RABGAP1: variants seen among roughly 807,000 people sequenced by gnomAD.
RABGAP1 encodes the protein rab GTPase-activating protein 1.
In RABGAP1, 23 loss-of-function variants were observed where a neutral mutation model predicts 137.6. The observed-to-expected ratio is 0.17, with a 90% CI of 0.12 to 0.24. The LOEUF (loss-of-function observed/expected upper bound fraction) is 0.24. Ranked by LOEUF, RABGAP1 falls within the 10% of genes least tolerant of loss-of-function variation. The pLI is 1.00. For synonymous variants in RABGAP1, 451 were observed against 450.7 expected, an observed-to-expected ratio of 1.00 and a Z score of -0.01; for missense variants, 906 against 1,275.8, an observed-to-expected ratio of 0.71 and a Z score of 4.42.
intron 13 of RABGAP1, among the ~76,000 whole-genome samples, chr9:123,021,224 T>C (rs2031608456): frequency 6.6e-6 from 1 of 151,806 alleles, no homozygotes; most frequent in South Asian, 2.1e-4. Flanking sequence ...GGTAAAACTT[T>C]GTCTTAAAAA....
At chr9:122,961,609 A>G (rs1209448221) in intron 2 of RABGAP1, among the ~76,000 whole-genome samples, 1 of 152,222 alleles carries the variant, frequency 6.6e-6, no homozygotes, top group East Asian at 1.9e-4. Context: ...CAGTAAAAAT[A>G]ATTATGTAGT....
intron 13 of RABGAP1, among the ~76,000 whole-genome samples, chr9:123,032,921 T>C (rs564451281): frequency 3.3e-5 from 5 of 152,346 alleles, no homozygotes; most frequent in African/African-American, 1.2e-4. Context: ...TAGAAGAAGG[T>C]ACATTTACTT....
intron 13 of RABGAP1, among the ~76,000 whole-genome samples, chr9:123,044,609 A>G (rs1246012072): frequency 6.7e-6 from 1 of 148,706 alleles, no homozygotes; most frequent in Non-Finnish European, 1.5e-5. Flanking sequence ...GGGAAGGAAT[A>G]TAGGAAAACA....
intron 13 of RABGAP1, among the ~76,000 whole-genome samples, chr9:123,042,613 C>A (rs963876113): frequency 1.3e-4 from 20 of 151,690 alleles, no homozygotes; most frequent in Non-Finnish European, 1.6e-4. Context: ...AGTAAGCAGG[C>A]TAGAAAATGA....
intron 13 of RABGAP1, among the ~76,000 whole-genome samples, chr9:123,036,553 T>C (rs766348596): frequency 6.6e-6 from 1 of 152,192 alleles, no homozygotes; most frequent in Non-Finnish European, 1.5e-5. Flanking sequence ...TTCTGAAATA[T>C]TAGAACATCA....
In RABGAP1 at chr9:123,103,127, G is replaced by A; in HGVS notation, c.3124G>A (p.Val1042Met). The A allele has an allele frequency of 1.2e-6, 2 of 1,614,124 alleles. No homozygotes were observed. Among genetic ancestry groups the A allele is most frequent in the Non-Finnish European group, 1.7e-6 (2 of 1,180,010 alleles). The change falls in exon 26 of 26, where the codon GTG becomes ATG. Residue 1042 changes from valine (V) to methionine (M), a missense_variant. Physicochemically the swap from Val to Met is conservative, Grantham distance 21. Around this residue, in one of 9 missense-constraint regions of RABGAP1, gnomAD observed 193 missense variants for 248.1 expected, o/e 0.78. Coordinates refer to ENST00000373647, the MANE Select transcript of RABGAP1 (RefSeq NM_012197.4). ...CCATTTAGGGCTTGCCCTCAATGAG[G>A]TGCAGGCAGCCAAGAAGACGTGGTT... ...EHHLGLALNE[V>M]QAAKKTWFNR...
intron 10 of RABGAP1, among the ~76,000 whole-genome samples, chr9:122,999,433 C>T (rs577411421): frequency 9.2e-5 from 14 of 152,074 alleles, no homozygotes; most frequent in South Asian, 2.1e-4. Flanking sequence ...TCAGGTCATC[C>T]GCCCACCTCA....
rs765921033 is a variant in RABGAP1 at position 123,090,369 on chromosome 9, G to A, written c.2612G>A (p.Arg871Gln). The change falls in exon 21 of 26, where the codon CGG becomes CAG. Residue 871 changes from arginine to glutamine, a missense_variant. By Grantham distance (43) the Arg-to-Gln change is conservative (BLOSUM62 1). This residue lies in a region of RABGAP1 where 193 missense variants were observed against 248.1 expected (regional missense o/e 0.78). Transcript: ENST00000373647. ...CTGGTGACCAGCAAGATTGCACTAC[G>A]GAAGGACCTGGATAACGTAAGTCCA... ...HELVTSKIALRKDLDNAEEKA... is the reference protein window; with the variant it reads ...HELVTSKIALQKDLDNAEEKA... The A allele has an allele frequency of 1.6e-5, 25 of 1,610,994 alleles. No homozygotes were observed. The highest frequency in any genetic ancestry group is 2.1e-5 in the Non-Finnish European group (25 of 1,178,028).
At position 122,998,588 on chromosome 9, in the gene RABGAP1, T is replaced by G. The variant is rs1837160081; in HGVS notation, c.1205-9T>G. On this transcript the variant is annotated splice_polypyrimidine_tract_variant and intron_variant, in intron 9 of 25. Coordinates refer to ENST00000373647, the MANE Select transcript of RABGAP1 (RefSeq NM_012197.4). ...TTTACCTCTTCAGCCTCTCTCTTTCTTTGTTTAGATAAAGTCCTGTTTATG... is the reference window on the plus strand; with the variant it reads ...TTTACCTCTTCAGCCTCTCTCTTTCGTTGTTTAGATAAAGTCCTGTTTATG... 5.1e-6 allele frequency: 8 copies of G among 1,554,578 alleles called. No homozygotes were observed. The highest frequency in any genetic ancestry group is 7.0e-6 in the Non-Finnish European group (8 of 1,141,692).
At position 123,037,311 on chromosome 9, in the gene RABGAP1, A is replaced by G. The variant is rs573402391; in HGVS notation, c.1794+16852A>G. 7.2e-5 allele frequency among the ~76,000 whole-genome samples: 11 copies of G among 152,286 alleles called. No individual in the cohort carries two copies. The East Asian group carries it at 2.1e-3, about 29-fold the overall frequency. On this transcript the variant is annotated intron_variant, in intron 13 of 25. Transcript: ENST00000373647. ...AGTTGTGTTCTATTTAAACTTTTTT[A>G]TTTTAAGTGACTAAGCATTACATAA...
chr9:123,028,921 T>C (rs950984323), intron 13 of RABGAP1, among the ~76,000 whole-genome samples: 3 of 152,334 alleles, frequency 2.0e-5, no homozygotes, highest in Non-Finnish European at 4.4e-5. Flanking sequence ...CTTAGTATAA[T>C]CCATAGTCCA....
chr9:123,088,683 CAA>C (rs938548026), intron 19 of RABGAP1, among the ~76,000 whole-genome samples: 7 of 151,818 alleles, frequency 4.6e-5, no homozygotes, highest in African/African-American at 1.5e-4. Context: ...GATCCTGTCT[CAA>C]AGAGGAAAAA....
chr9:123,081,321 C>G (rs2034700178), intron 19 of RABGAP1, among the ~76,000 whole-genome samples: 1 of 152,148 alleles, frequency 6.6e-6, no homozygotes, highest in African/African-American at 2.4e-5. Context: ...GCGTCAGTGC[C>G]CCTAACTCGT....
chr9:123,100,348 G>A (rs1413058058), intron 24 of RABGAP1, among the ~76,000 whole-genome samples: 1 of 151,668 alleles, frequency 6.6e-6, no homozygotes, highest in East Asian at 1.9e-4. Context: ...AGAGCAGGAT[G>A]ACACTGGCCT....
chr9:122,944,363 A>G (rs868649550), intron 1 of RABGAP1, among the ~76,000 whole-genome samples: 11 of 150,978 alleles, frequency 7.3e-5, no homozygotes, highest in African/African-American at 2.2e-4. Context: ...CCAAGTAGCT[A>G]GGACTGCAGG....
At chr9:122,989,641 A>G in intron 5 of RABGAP1, 170 bp downstream of exon 5, 1 of 713,112 alleles carries the variant, frequency 1.4e-6, no homozygotes. Flanking sequence ...TAAAAATTTG[A>G]TTAACTAGAA....
At chr9:123,076,189 G>T (rs1273471309) in intron 17 of RABGAP1, 56 bp from the exon 18 acceptor site, 3 of 1,547,104 alleles carry the variant, frequency 1.9e-6, no homozygotes, top group Non-Finnish European at 8.9e-7. Flanking sequence ...AGGACAAATA[G>T]CATAATAGTC....
intron 13 of RABGAP1, among the ~76,000 whole-genome samples, chr9:123,060,786 C>T (rs749105910): frequency 1.3e-5 from 2 of 152,136 alleles, no homozygotes; most frequent in Non-Finnish European, 2.9e-5. Context: ...TTTATTGAAA[C>T]GTGTACTACA....
intron 17 of RABGAP1, among the ~76,000 whole-genome samples, chr9:123,075,110 AAT>A (rs2034471443): frequency 6.6e-6 from 1 of 152,154 alleles, no homozygotes; most frequent in African/African-American, 2.4e-5. Context: ...TTATAAAAAT[AAT>A]ATATGTTTAT....
Sources: allele counts gnomAD v4.1 joint callset (sites outside exome capture counted in the v4.1 genomes callset), GRCh38; gene constraint gnomAD v4.1.1; regional missense constraint gnomAD v4.1.1; transcripts MANE v1.5; gene names NCBI Gene and HGNC (gene_info 2026-07-23, HGNC 2026-07-21).